ARMC8: variants seen among roughly 807,000 people sequenced by gnomAD.
The protein encoded by ARMC8 is armadillo repeat containing 8.
Under a neutral mutation model 99.3 loss-of-function variants are expected in ARMC8, and 20 were observed. The ratio of observed to expected loss-of-function variants is 0.20; its 90% CI spans 0.14 to 0.29. ARMC8 has a LOEUF of 0.29. ARMC8 is among the 10% of genes least tolerant of loss of function. ARMC8 has a pLI of 1.00. For synonymous variants in ARMC8, 263 were observed against 278.3 expected (o/e 0.95, Z 0.55); for missense variants, 569 against 809.5 (o/e 0.70, Z 3.60).
chr3:138,274,367 ATTGTT>A, intron 17 of ARMC8, 77 bp from the exon 18 acceptor site: 1 of 867,732 alleles, frequency 1.2e-6, no homozygotes, highest in Non-Finnish European at 1.9e-6. Flanking sequence ...TGTGAATCAT[ATTGTT>A]TTAACTTTTA....
chr3:138,215,438 G>A (rs935838932), intron 2 of ARMC8, among the ~76,000 whole-genome samples: 2 of 152,084 alleles, frequency 1.3e-5, no homozygotes, highest in African/African-American at 2.4e-5. Context: ...GGATGGTCTC[G>A]ATCTCCTGAT....
intron 12 of ARMC8, among the ~76,000 whole-genome samples, chr3:138,248,667 C>CG: frequency 1.3e-5 from 2 of 152,304 alleles, no homozygotes; most frequent in East Asian, 3.9e-4. Context: ...TGAAGACCAT[C>CG]ACTTGATTAG....
chr3:138,267,539 T>C (rs778934807), intron 15 of ARMC8, among the ~76,000 whole-genome samples: 2 of 152,244 alleles, frequency 1.3e-5, no homozygotes, highest in Non-Finnish European at 2.9e-5. Context: ...TTCTTACAAA[T>C]AGTAAACTAT....
chr3:138,208,244 G>A (rs2044494361), intron 1 of ARMC8, among the ~76,000 whole-genome samples: 1 of 152,206 alleles, frequency 6.6e-6, no homozygotes, highest in East Asian at 1.9e-4. Context: ...AAGGCGGGCG[G>A]ATCACGAGGT....
At chr3:138,188,557 A>G (rs772277952) in intron 1 of ARMC8, 55 of 1,613,868 alleles carry the variant, frequency 3.4e-5, no homozygotes, top group East Asian at 1.8e-4. Context: ...TTCATTTGCT[A>G]TTGTTGGAAA....
intron 1 of ARMC8, among the ~76,000 whole-genome samples, chr3:138,198,473 T>A (rs2043862209): frequency 6.7e-6 from 1 of 148,994 alleles, no homozygotes. Flanking sequence ...ATTGTGTGTA[T>A]AGCCTTATAT....
At chr3:138,215,810 GAAAATTAAATATTTACAGT>G (rs1428314700) in intron 2 of ARMC8, among the ~76,000 whole-genome samples, 1 of 151,906 alleles carries the variant, frequency 6.6e-6, no homozygotes, top group Admixed American at 6.6e-5. Flanking sequence ...GCTATGGAAA[GAAAATTAAATATTTACAGT>G]AAACTTTTCA....
At chr3:138,276,463 A>G (rs1044170688) in intron 18 of ARMC8, among the ~76,000 whole-genome samples, 9 of 152,220 alleles carry the variant, frequency 5.9e-5, no homozygotes, top group African/African-American at 2.2e-4. Context: ...AATTCCTACC[A>G]AGCACAAGAA....
chr3:138,248,346 A>G (rs1332810677), intron 12 of ARMC8, among the ~76,000 whole-genome samples: 2 of 152,192 alleles, frequency 1.3e-5, no homozygotes, highest in African/African-American at 2.4e-5. Context: ...GCTCAGTGGA[A>G]GAAGGGTCCA....
At chr3:138,198,678 A>G (rs1282379928) in intron 1 of ARMC8, among the ~76,000 whole-genome samples, 1 of 151,782 alleles carries the variant, frequency 6.6e-6, no homozygotes, top group East Asian at 1.9e-4. Flanking sequence ...ACACCCAGCT[A>G]ATTTTTTGTA....
chr3:138,187,675 G>A, intron 1 of ARMC8, 76 bp downstream of exon 1: 8 of 1,482,462 alleles, frequency 5.4e-6, no homozygotes, highest in Non-Finnish European at 7.3e-6. Flanking sequence ...CCCAAGCGTG[G>A]TGTGCCTCCT....
chr3:138,196,376 C>A (rs1257457789), intron 1 of ARMC8, among the ~76,000 whole-genome samples: 1 of 152,234 alleles, frequency 6.6e-6, no homozygotes, highest in South Asian at 2.1e-4. Flanking sequence ...AATCTGGGGT[C>A]ATGATCATTA....
intron 18 of ARMC8, among the ~76,000 whole-genome samples, chr3:138,275,884 G>A (rs1560032573): frequency 6.6e-6 from 1 of 152,096 alleles, no homozygotes; most frequent in Non-Finnish European, 1.5e-5. Context: ...ATTTAACACA[G>A]AGAAAGTATA....
chr3:138,275,851 A>T (rs746492204), intron 18 of ARMC8, among the ~76,000 whole-genome samples: 7 of 152,224 alleles, frequency 4.6e-5, no homozygotes, highest in African/African-American at 1.4e-4. Context: ...AATTTTTTTT[A>T]AAACTGTGTT....
chr3:138,219,697 A>T (rs186995692), intron 2 of ARMC8, among the ~76,000 whole-genome samples: 2 of 152,310 alleles, frequency 1.3e-5, no homozygotes, highest in East Asian at 3.9e-4. Flanking sequence ...CTTATCTAGC[A>T]CAGGTATATT....
At chr3:138,263,483 G>C (rs897581487) in intron 12 of ARMC8, 41 of 481,374 alleles carry the variant, frequency 8.5e-5, no homozygotes, top group Non-Finnish European at 1.4e-4. Context: ...TTTAATTTTT[G>C]TGTTAAATGT....
At chr3:138,270,274 A>G (rs1385074466) in intron 16 of ARMC8, 142 bp downstream of exon 16, 3 of 618,698 alleles carry the variant, frequency 4.8e-6, no homozygotes, top group South Asian at 2.4e-5. Context: ...TCTAATGACT[A>G]GGACCTAGAA....
intron 18 of ARMC8, among the ~76,000 whole-genome samples, chr3:138,282,838 C>A (rs376287717): frequency 6.6e-6 from 1 of 152,062 alleles, no homozygotes; most frequent in African/African-American, 2.4e-5. Flanking sequence ...CTCATGTCTG[C>A]CCCTTCATAA....
chr3:138,264,640 G>A (rs2048095401), intron 14 of ARMC8, among the ~76,000 whole-genome samples: 1 of 151,452 alleles, frequency 6.6e-6, no homozygotes, highest in African/African-American at 2.4e-5. Flanking sequence ...GGCTGGTCTT[G>A]AACTCCTGAC....
Sources: gnomAD v4.1 joint callset for allele counts (sites outside exome capture counted in the v4.1 genomes callset) on GRCh38, gnomAD v4.1.1 for gene constraint, MANE v1.5 for transcripts, NCBI Gene and HGNC (gene_info 2026-07-23, HGNC 2026-07-21) for gene names.